The following TEX35 variants were observed in gnomAD, a reference collection of about 807,000 sequenced individuals.
TEX35 encodes testis-expressed protein 35.
TEX35 carries 26 observed loss-of-function variants against 31.9 expected under a neutral mutation model. That is an observed-to-expected ratio of 0.81 (90% confidence interval 0.60 to 1.13). The LOEUF (loss-of-function observed/expected upper bound fraction) is 1.13, where lower values mean the gene tolerates loss of function less well. Ranked by LOEUF, TEX35 falls within the 50% of genes most tolerant of loss-of-function variation. TEX35 has a pLI of 0.00. For missense variants in TEX35, 278 were observed against 273.5 expected (o/e 1.02, Z -0.12); for synonymous variants, 87 against 90.7 (o/e 0.96, Z 0.23).
intron 5 of TEX35, among the ~76,000 whole-genome samples, chr1:178,518,813 T>G (rs1650169977): frequency 6.6e-6 from 1 of 152,154 alleles, no homozygotes; most frequent in Non-Finnish European, 1.5e-5. Context: ...AGGCTGGGTA[T>G]GGAAAGGCAC....
At chr1:178,520,250 C>G in intron 5 of TEX35, 122 bp from the exon 6 acceptor site, 1 of 969,118 alleles carries the variant, frequency 1.0e-6, no homozygotes, top group Middle Eastern at 2.6e-4. Flanking sequence ...AAAGCCACCT[C>G]ACCCAAGTCT....
chr1:178,515,764 C>T lies in TEX35; in HGVS notation c.160-95C>T. The T allele has an allele frequency of 3.1e-6, 3 of 962,494 alleles. No individual in the cohort carries two copies. The South Asian group carries it at 4.4e-5, about 14-fold the overall frequency. 59.6% of individuals were successfully genotyped at this position (962,494 alleles called of 1,614,324 possible). On this transcript the variant is annotated intron_variant, in intron 3 of 8. Coordinates refer to ENST00000319416, the MANE Select transcript of TEX35 (RefSeq NM_032126.5). Reference sequence around the variant, plus strand: ...CTCCCTATTGAAAGCTTTTCTCTGACAGTGTCCCAGGATCTTTCCTTTCCT... The same window carrying T: ...CTCCCTATTGAAAGCTTTTCTCTGATAGTGTCCCAGGATCTTTCCTTTCCT...
chr1:178,522,520 G>T lies in TEX35; in HGVS notation c.*80G>T. ...TCAGAAACTGTCCTGCCCTGGGTGTGATTCTTTGGCTTCAATTTGAAGGAC... is the reference window on the plus strand; with the variant it reads ...TCAGAAACTGTCCTGCCCTGGGTGTTATTCTTTGGCTTCAATTTGAAGGAC... On this transcript the variant is annotated 3_prime_UTR_variant, in exon 9 of 9. Transcript: ENST00000319416. 1 of 1,375,102 alleles carries T rather than the reference G, an allele frequency of 7.3e-7. No individual in the cohort carries two copies. Among genetic ancestry groups the T allele is most frequent in the Non-Finnish European group, 9.5e-7 (1 of 1,050,008 alleles). The allele number at this position is 1,375,102 out of a possible 1,614,324, so 85.2% of individuals were successfully genotyped here.
At chr1:178,514,485 G>C (rs1457690016) in intron 2 of TEX35, among the ~76,000 whole-genome samples, 1 of 152,202 alleles carries the variant, frequency 6.6e-6, no homozygotes, top group Non-Finnish European at 1.5e-5. Flanking sequence ...AGGGACAAAA[G>C]GAGCTGAGGC....
intron 8 of TEX35, chr1:178,521,884 C>T (rs1650298930): frequency 2.1e-6 from 3 of 1,421,604 alleles, no homozygotes; most frequent in Non-Finnish European, 2.8e-6. Flanking sequence ...GGTTCTATAT[C>T]AGTGTATTTC....
At chr1:178,514,134 G>A in intron 2 of TEX35, 57 bp downstream of exon 2, 1 of 1,613,626 alleles carries the variant, frequency 6.2e-7, no homozygotes, top group Middle Eastern at 1.7e-4. Flanking sequence ...ATGGGGAAGT[G>A]ACCAGGAGTC....
intron 5 of TEX35, among the ~76,000 whole-genome samples, chr1:178,519,426 T>C (rs1254620460): frequency 6.6e-6 from 1 of 152,168 alleles, no homozygotes. Context: ...GGGGTACATG[T>C]TGGTGAAACG....
chr1:178,516,522 A>T (rs759103693), intron 4 of TEX35, 93 bp from the exon 5 acceptor site: 25 of 1,069,016 alleles, frequency 2.3e-5, no homozygotes, highest in Non-Finnish European at 3.4e-5. Flanking sequence ...AGAAGCAGCC[A>T]CTGCCCTTTG....
At position 178,520,977 on chromosome 1, in the gene TEX35, T is replaced by TCCGC. The variant is rs759951949; in HGVS notation, c.543+108_543+111dup. 105 of 1,558,396 alleles carry TCCGC rather than the reference T, an allele frequency of 6.7e-5. 2 individuals are homozygous for TCCGC. In the South Asian group the frequency reaches 7.4e-4, roughly 11 times the overall value. On this transcript the variant is annotated intron_variant, in intron 7 of 8. Coordinates refer to ENST00000319416, the MANE Select transcript of TEX35 (RefSeq NM_032126.5). ...TGCTGTATCATAGTGAAGGGACAGG[T>TCCGC]CCGCCCGCTGCTGACTTCTGGGTGC...
chr1:178,517,162 A>C (rs1269302631), intron 5 of TEX35, among the ~76,000 whole-genome samples: 2 of 152,214 alleles, frequency 1.3e-5, no homozygotes, highest in Admixed American at 6.5e-5. Context: ...AGCTGGCAAA[A>C]GCAAATAGGT....
At chr1:178,519,344 G>A (rs1014362159) in intron 5 of TEX35, among the ~76,000 whole-genome samples, 3 of 152,198 alleles carry the variant, frequency 2.0e-5, no homozygotes, top group Non-Finnish European at 2.9e-5. Context: ...AAGTGGTGAC[G>A]ATGACAATGA....
intron 1 of TEX35, among the ~76,000 whole-genome samples, chr1:178,513,814 C>T (rs1477084360): frequency 2.6e-5 from 4 of 152,236 alleles, no homozygotes; most frequent in South Asian, 2.1e-4. Context: ...GGCAGACACA[C>T]GCCCATAGGA....
At chr1:178,516,810 C>A in intron 5 of TEX35, 136 bp downstream of exon 5, 1 of 573,696 alleles carries the variant, frequency 1.7e-6, no homozygotes, top group Non-Finnish European at 3.0e-6. Flanking sequence ...GCATTGCAAG[C>A]CAAATAATTA....
chr1:178,515,801 T>C (rs1420710650), intron 3 of TEX35, 58 bp from the exon 4 acceptor site: 13 of 1,376,742 alleles, frequency 9.4e-6, no homozygotes, highest in Non-Finnish European at 1.3e-5. Context: ...CTGTTGATGG[T>C]TTCCCCTCCA....
At chr1:178,514,801 T>C (rs1171527855) in intron 3 of TEX35, 33 bp downstream of exon 3, 1 of 1,592,198 alleles carries the variant, frequency 6.3e-7, no homozygotes, top group Admixed American at 1.7e-5. Context: ...ATGTCTATAT[T>C]CCAAACCACG....
At chr1:178,520,187 T>C (rs773753205) in intron 5 of TEX35, among the ~76,000 whole-genome samples, 185 bp from the exon 6 acceptor site, 8 of 152,038 alleles carry the variant, frequency 5.3e-5, no homozygotes, top group South Asian at 2.1e-4. Context: ...TTTCGTCTCA[T>C]TGGGGAAGGG....
At position 178,515,930 on chromosome 1, in the gene TEX35, C is replaced by T; in HGVS notation, c.216+15C>T. 1.3e-6 allele frequency: 2 copies of T among 1,598,298 alleles called. No homozygotes were observed. ...AGATAAAACAGGTAAGAAGATGAGG[C>T]CTTCCATATCATGGAGGGAAAGTGT... On this transcript the variant is annotated intron_variant, in intron 4 of 8. Transcript: ENST00000319416.
chr1:178,516,649 T>C lies in TEX35; in HGVS notation c.251T>C (p.Leu84Pro). 5.0e-6 allele frequency: 8 copies of C among 1,613,384 alleles called. No individual in the cohort carries two copies. The highest frequency in any genetic ancestry group is 6.8e-6 in the Non-Finnish European group (8 of 1,179,648). The stretch of plus-strand genomic sequence containing the variant: ...CTAATGGACAAGGATTTTGATAAAC[T>C]TCACGAATTTGTGGAAATTATGAAG... ...KDLMDKDFDK[L>P]HEFVEIMKEM... Residue 84 changes from leucine (L) to proline (P), a missense_variant, in exon 5 of 9, where the codon CTT becomes CCT. Coordinates refer to ENST00000319416, the MANE Select transcript of TEX35 (RefSeq NM_032126.5).
Position 178,521,453 on chromosome 1 carries a change from T to C in TEX35, c.586+189T>C, listed in dbSNP as rs1353542217. On this transcript the variant is annotated intron_variant, in intron 8 of 8. Coordinates refer to ENST00000319416, the MANE Select transcript of TEX35 (RefSeq NM_032126.5). ...GTGGCACCAGGAAGGAGGACTTGGG[T>C]CACCCAGCCTAGAGGCTGCTGCCTG... The C allele has an allele frequency of 5.0e-6, 5 of 1,006,046 alleles. No homozygotes were observed. The Admixed American group carries it at 9.8e-5, about 20-fold the overall frequency. 62.3% of individuals were successfully genotyped at this position (1,006,046 alleles called of 1,614,324 possible).
Sources: gnomAD v4.1 joint callset for allele counts (sites outside exome capture counted in the v4.1 genomes callset) on GRCh38, gnomAD v4.1.1 for gene constraint, MANE v1.5 for transcripts, NCBI Gene and HGNC (gene_info 2026-07-23, HGNC 2026-07-21) for gene names.